Variants in EXD2 observed in about 807,000 individuals in gnomAD.
EXD2 encodes the protein exonuclease 3'-5' domain-containing protein 2.
Under a neutral mutation model 62.5 loss-of-function variants are expected in EXD2, and 40 were observed. The observed-to-expected ratio is 0.64, with a 90% confidence interval of 0.50 to 0.83. The LOEUF (loss-of-function observed/expected upper bound fraction) is 0.83, where lower values mean the gene tolerates loss of function less well. EXD2 is among the 40% of genes least tolerant of loss of function. EXD2 has a pLI of 0.00. For synonymous variants in EXD2, 239 were observed against 291.9 expected (o/e 0.82, Z 1.85); for missense variants, 671 against 761.8 (o/e 0.88, Z 1.40).
rs775155687 is a variant in EXD2 at position 69,230,550 on chromosome 14, TCTA to T, written c.672_674del (p.Leu225del). Reference sequence around the variant, plus strand: ...TGAACTTTCCCCTTGACAAGTCCCTTCTACTTCGTTGCAGCAACTGGGATGCTG... The same window carrying T: ...TGAACTTTCCCCTTGACAAGTCCCTTCTTCGTTGCAGCAACTGGGATGCTG... On this transcript the variant is annotated inframe_deletion, in exon 5 of 10. Coordinates refer to ENST00000685843, the MANE Select transcript of EXD2 (RefSeq NM_001193360.2). 1,139 of 1,613,922 alleles carry T rather than the reference TCTA, an allele frequency of 7.1e-4. 1 individual carries two copies. Among genetic ancestry groups the T allele is most frequent in the Non-Finnish European group, 8.0e-4 (939 of 1,179,938 alleles).
rs57884262 is a variant in EXD2 at position 69,203,229 on chromosome 14, GT to G, written c.-131-682del. ...GCATGCCACCATGCCTGGCTGGCTA[GT>G]TTTTTGTAATTTTTTTTTTTTTTTA... On this transcript the variant is annotated intron_variant, in intron 1 of 9. Coordinates refer to ENST00000685843, the MANE Select transcript of EXD2 (RefSeq NM_001193360.2). 3.4e-4 allele frequency among the ~76,000 whole-genome samples: 49 copies of G among 143,406 alleles called. No individual in the cohort carries two copies. In the East Asian group the frequency reaches 0.013, roughly 39 times the overall value. The allele number at this position is 143,406 out of a possible 152,430, so 94.1% of individuals were successfully genotyped here.
intron 1 of EXD2, among the ~76,000 whole-genome samples, chr14:69,202,440 A>T (rs2042440856): frequency 6.6e-6 from 1 of 152,176 alleles, no homozygotes; most frequent in Admixed American, 6.5e-5. Flanking sequence ...CCATTCATGT[A>T]CTTGTGTGTG....
At chr14:69,195,243 G>A (rs1181934462) in intron 1 of EXD2, among the ~76,000 whole-genome samples, 1 of 149,254 alleles carries the variant, frequency 6.7e-6, no homozygotes, top group African/African-American at 2.5e-5. Flanking sequence ...GAGAGATGAG[G>A]TCTCACTCTG....
chr14:69,223,295 C>A (rs1566831438), intron 3 of EXD2, among the ~76,000 whole-genome samples: 2 of 152,162 alleles, frequency 1.3e-5, no homozygotes, highest in Admixed American at 6.5e-5. Flanking sequence ...CCTTGAATGT[C>A]TAATAGTCAT....
chr14:69,193,313 C>T (rs190443367), intron 1 of EXD2, among the ~76,000 whole-genome samples: 15 of 152,324 alleles, frequency 9.8e-5, no homozygotes, highest in Non-Finnish European at 1.6e-4. Flanking sequence ...CCTGCCTTGG[C>T]CTCCCGAAGT....
intron 9 of EXD2, 87 bp from the exon 10 acceptor site, chr14:69,240,797 T>G (rs1344914246): frequency 1.7e-6 from 2 of 1,178,018 alleles, no homozygotes; most frequent in Non-Finnish European, 2.4e-6. Flanking sequence ...CCTCCCCAGT[T>G]ACCCTTGGCG....
rs2043532051 is a variant in EXD2 at position 69,230,483 on chromosome 14, T to C, written c.602T>C (p.Leu201Pro). 5 of 1,599,646 alleles carry C rather than the reference T, an allele frequency of 3.1e-6. No individual in the cohort carries two copies. The Admixed American group carries it at 7.0e-5, about 22-fold the overall frequency. The change falls in exon 5 of 10, where the codon CTC becomes CCC. Residue 201 changes from leucine to proline, a missense_variant. Physicochemically the swap from Leu to Pro is moderately conservative, Grantham distance 98. Coordinates refer to ENST00000685843, the MANE Select transcript of EXD2 (RefSeq NM_001193360.2). The stretch of plus-strand genomic sequence containing the variant: ...TTTGTTTCTTTTAGAAACAATTTGC[T>C]CTGTAATGGGCTTAGCCTGAAGTCC... ...YLAMRQRNNL[L>P]CNGLSLKSLA... is the part of the protein sequence containing the mutation.
intron 3 of EXD2, among the ~76,000 whole-genome samples, chr14:69,216,739 A>G (rs8008401): frequency 0.72 from 109,729 of 152,128 alleles, 40,737 homozygotes; most frequent in East Asian, 1. Flanking sequence ...ACATGAAATT[A>G]TATATATTAT....
intron 5 of EXD2, among the ~76,000 whole-genome samples, chr14:69,231,819 T>G (rs1373211014): frequency 7.9e-6 from 1 of 125,868 alleles, no homozygotes; most frequent in Non-Finnish European, 1.7e-5. Flanking sequence ...TCATAGTAGA[T>G]CCTCTGTTTT....
In EXD2 at chr14:69,242,275, T is replaced by C. The variant is rs913605400; in HGVS notation, c.*1175T>C. On this transcript the variant is annotated 3_prime_UTR_variant, in exon 10 of 10. Transcript: ENST00000685843. Reference sequence around the variant, plus strand: ...TTAAAAAAGAATTTTATGACCAGAATCCAACAAGAGCTCTATTTTGGAATT... The same window carrying C: ...TTAAAAAAGAATTTTATGACCAGAACCCAACAAGAGCTCTATTTTGGAATT... 1.4e-4 allele frequency: 52 copies of C among 369,934 alleles called. 1 individual carries two copies. The Admixed American group carries it at 2.1e-3, about 15-fold the overall frequency. 22.9% of individuals were successfully genotyped at this position (369,934 alleles called of 1,614,324 possible).
At position 69,242,315 on chromosome 14, in the gene EXD2, G is replaced by A; in HGVS notation, c.*1215G>A. On this transcript the variant is annotated 3_prime_UTR_variant, in exon 10 of 10. Coordinates refer to ENST00000685843, the MANE Select transcript of EXD2 (RefSeq NM_001193360.2). The stretch of plus-strand genomic sequence containing the variant: ...ATTTTGGAATTGTGCCCAAGTTGGT[G>A]ATGTTTACTCTAAAATTAATAATAA... 1 of 324,136 alleles carries A rather than the reference G, an allele frequency of 3.1e-6. No homozygotes were observed. The highest frequency in any genetic ancestry group is 5.5e-6 in the Non-Finnish European group (1 of 181,074). 20.1% of individuals were successfully genotyped at this position (324,136 alleles called of 1,614,324 possible). A position where few individuals can be genotyped will look rare whatever the true frequency, so the allele number is the denominator to read the frequency against.
chr14:69,232,944 T>A (rs1237742846), intron 5 of EXD2, among the ~76,000 whole-genome samples: 1 of 152,212 alleles, frequency 6.6e-6, no homozygotes, highest in African/African-American at 2.4e-5. Flanking sequence ...AGTCAAGAAA[T>A]CATTGCCTCA....
At chr14:69,192,554 G>A (rs2042068465) in intron 1 of EXD2, among the ~76,000 whole-genome samples, 1 of 152,062 alleles carries the variant, frequency 6.6e-6, no homozygotes, top group South Asian at 2.1e-4. Context: ...GAGTGTGGAA[G>A]ACAGATCCTC....
intron 1 of EXD2, among the ~76,000 whole-genome samples, chr14:69,193,050 TTC>T (rs71446377): frequency 3.4e-5 from 5 of 147,982 alleles, no homozygotes; most frequent in Non-Finnish European, 5.9e-5. Context: ...ATTTCCTCCA[TTC>T]TCTCTCTCTT....
At chr14:69,211,299 G>T (rs527838931) in intron 3 of EXD2, among the ~76,000 whole-genome samples, 2 of 151,778 alleles carry the variant, frequency 1.3e-5, no homozygotes, top group Admixed American at 1.3e-4. Context: ...CACTTTCTTT[G>T]CTCATCCATA....
In EXD2 at chr14:69,243,404, G is replaced by C. The variant is rs1029077937; in HGVS notation, c.*2304G>C. On this transcript the variant is annotated 3_prime_UTR_variant, in exon 10 of 10. Coordinates refer to ENST00000685843, the MANE Select transcript of EXD2 (RefSeq NM_001193360.2). ...TTTCAGTATTAAAAAGTGCATATAA[G>C]GTGTATATTTACACAAAATTGAAGG... 3.9e-5 allele frequency: 6 copies of C among 152,074 alleles called. No homozygotes were observed. Among genetic ancestry groups the C allele is most frequent in the Admixed American group, 3.3e-4 (5 of 15,270 alleles). The allele number at this position is 152,074 out of a possible 1,614,324, so 9.4% of individuals were successfully genotyped here. A position where few individuals can be genotyped will look rare whatever the true frequency, so the allele number is the denominator to read the frequency against.
At position 69,242,913 on chromosome 14, in the gene EXD2, A is replaced by C. The variant is rs1247006041; in HGVS notation, c.*1813A>C. The C allele has an allele frequency of 6.6e-6, 1 of 152,238 alleles. No individual in the cohort carries two copies. Among genetic ancestry groups the C allele is most frequent in the Admixed American group, 6.5e-5 (1 of 15,286 alleles). The allele number at this position is 152,238 out of a possible 1,614,324, so 9.4% of individuals were successfully genotyped here. A position where few individuals can be genotyped will look rare whatever the true frequency, so the allele number is the denominator to read the frequency against. On this transcript the variant is annotated 3_prime_UTR_variant, in exon 10 of 10. Coordinates refer to ENST00000685843, the MANE Select transcript of EXD2 (RefSeq NM_001193360.2). ...AAGTCATTTTGATAGCTTTGCAAGA[A>C]AAATTTTTCCTTTGAAACAAGGGAG...
chr14:69,214,200 C>T (rs1408449209), intron 3 of EXD2: 1 of 152,100 alleles, frequency 6.6e-6, no homozygotes, highest in Admixed American at 6.6e-5. Flanking sequence ...TTTCATATCT[C>T]TTCTTAAGAT....
At chr14:69,239,794 G>T (rs542290166) in intron 9 of EXD2, among the ~76,000 whole-genome samples, 3 of 152,180 alleles carry the variant, frequency 2.0e-5, no homozygotes, top group African/African-American at 7.2e-5. Context: ...TAGAGGCAGG[G>T]TTTCACCTCG....
Sources: gnomAD v4.1 joint callset for allele counts (sites outside exome capture counted in the v4.1 genomes callset) on GRCh38, gnomAD v4.1.1 for gene constraint, MANE v1.5 for transcripts, NCBI Gene and HGNC (gene_info 2026-07-23, HGNC 2026-07-21) for gene names.